MGAT4C: variants seen among roughly 807,000 people sequenced by gnomAD.
MGAT4C encodes alpha-1,3-mannosyl-glycoprotein 4-beta-N-acetylglucosaminyltransferase C.
MGAT4C carries 19 observed loss-of-function variants against 40.1 expected under a neutral mutation model. The ratio of observed to expected loss-of-function variants is 0.47; its 90% CI spans 0.33 to 0.70. MGAT4C has a LOEUF of 0.70. Among genes scored for constraint, MGAT4C ranks in the 30% least tolerant of loss-of-function variants. The pLI, the probability that MGAT4C is intolerant of heterozygous loss-of-function variation, is 0.02. For missense variants in MGAT4C, 491 were observed against 563.2 expected (o/e 0.87, Z 1.30); for synonymous variants, 181 against 187.1 (o/e 0.97, Z 0.27).
chr12:86,199,457 T>TA (rs1949955188), intron 1 of MGAT4C, among the ~76,000 whole-genome samples: 1 of 152,122 alleles, frequency 6.6e-6, no homozygotes. Context: ...TTTTAAGTTT[T>TA]AAAAAAATTC....
chr12:86,109,148 T>C (rs1876749653), intron 1 of MGAT4C, among the ~76,000 whole-genome samples: 1 of 151,974 alleles, frequency 6.6e-6, no homozygotes, highest in Non-Finnish European at 1.5e-5. Flanking sequence ...TCAAATACTC[T>C]TTCTATCAAA....
chr12:86,132,648 T>C lies in MGAT4C; in HGVS notation c.-56-82925A>G, dbSNP rs533409292. Reference sequence around the variant, plus strand: ...CTCTACTAAACATACAAAAATTAGCTGGGCATGGTGGCGGATGCCTGTAGT... The same window carrying C: ...CTCTACTAAACATACAAAAATTAGCCGGGCATGGTGGCGGATGCCTGTAGT... On this transcript the variant is annotated intron_variant, in intron 1 of 4. Transcript: ENST00000611864. Among the ~76,000 whole-genome samples, 5 of 152,044 alleles carry C rather than the reference T, an allele frequency of 3.3e-5. No homozygotes were observed. In the South Asian group the frequency reaches 1.0e-3, roughly 32 times the overall value.
chr12:86,406,044 A>C (rs1281645195), intron 3 of MGAT4C, among the ~76,000 whole-genome samples: 1 of 144,908 alleles, frequency 6.9e-6, no homozygotes, highest in Non-Finnish European at 1.5e-5. Context: ...AATTATATAT[A>C]ATTATTATAT....
intron 1 of MGAT4C, among the ~76,000 whole-genome samples, chr12:86,067,601 A>C (rs1036506025): frequency 6.6e-6 from 1 of 152,038 alleles, no homozygotes; most frequent in Non-Finnish European, 1.5e-5. Flanking sequence ...AGAAATACCT[A>C]ATGTAGATGA....
chr12:86,051,919 T>C (rs1380421608), intron 1 of MGAT4C, among the ~76,000 whole-genome samples: 3 of 151,722 alleles, frequency 2.0e-5, no homozygotes, highest in South Asian at 2.1e-4. Flanking sequence ...TTGAGTCAAG[T>C]TGCAAATAAT....
intron 1 of MGAT4C, among the ~76,000 whole-genome samples, chr12:86,214,199 G>A (rs941491285): frequency 1.3e-5 from 2 of 152,068 alleles, no homozygotes; most frequent in African/African-American, 4.8e-5. Context: ...CCTCATTTCT[G>A]TGTCTTTGTA....
intron 2 of MGAT4C, among the ~76,000 whole-genome samples, chr12:86,019,347 AATAG>A (rs1889416365): frequency 1.3e-5 from 2 of 152,162 alleles, no homozygotes; most frequent in African/African-American, 4.8e-5. Context: ...GCCCCAGTAT[AATAG>A]ATAGCAAGTA....
At chr12:86,393,603 C>T (rs2136230311) in intron 3 of MGAT4C, among the ~76,000 whole-genome samples, 1 of 152,232 alleles carries the variant, frequency 6.6e-6, no homozygotes, top group East Asian at 1.9e-4. Flanking sequence ...ATGTGGCAGA[C>T]TCTGCTATTC....
chr12:86,214,886 T>C (rs559242269), intron 1 of MGAT4C, among the ~76,000 whole-genome samples: 2 of 152,338 alleles, frequency 1.3e-5, no homozygotes, highest in South Asian at 2.1e-4. Flanking sequence ...GAATGATAAA[T>C]GTAAGTAACT....
chr12:86,629,214 T>C (rs1962935513), intron 2 of MGAT4C, among the ~76,000 whole-genome samples: 1 of 152,164 alleles, frequency 6.6e-6, no homozygotes, highest in Non-Finnish European at 1.5e-5. Flanking sequence ...CTGTCTTAAA[T>C]ATACATGTGC....
At chr12:86,062,932 C>T (rs1894139434) in intron 1 of MGAT4C, among the ~76,000 whole-genome samples, 1 of 152,042 alleles carries the variant, frequency 6.6e-6, no homozygotes. Flanking sequence ...AGAATGGAAC[C>T]AAGTTGGAAA....
chr12:86,000,091 G>A (rs555960314), intron 2 of MGAT4C, among the ~76,000 whole-genome samples: 1 of 152,214 alleles, frequency 6.6e-6, no homozygotes, highest in South Asian at 2.1e-4. Flanking sequence ...GTATACACAT[G>A]CATTGAAATA....
intron 3 of MGAT4C, among the ~76,000 whole-genome samples, chr12:86,362,027 A>C (rs1157762439): frequency 6.6e-6 from 1 of 152,254 alleles, no homozygotes; most frequent in Non-Finnish European, 1.5e-5. Context: ...CTATAAAGAC[A>C]CATGCACACG....
intron 1 of MGAT4C, among the ~76,000 whole-genome samples, chr12:86,148,825 G>C (rs951725057): frequency 6.6e-6 from 1 of 152,146 alleles, no homozygotes; most frequent in Non-Finnish European, 1.5e-5. Context: ...GAAACTCTAA[G>C]AGCCTTGAGC....
At chr12:86,684,622 G>T (rs564504591) in intron 2 of MGAT4C, among the ~76,000 whole-genome samples, 1 of 152,220 alleles carries the variant, frequency 6.6e-6, no homozygotes, top group Non-Finnish European at 1.5e-5. Context: ...CTTCCACAAT[G>T]GTTGAACTAA....
At chr12:86,571,271 A>T (rs1295620207) in intron 2 of MGAT4C, among the ~76,000 whole-genome samples, 2 of 152,152 alleles carry the variant, frequency 1.3e-5, no homozygotes, top group Non-Finnish European at 2.9e-5. Flanking sequence ...ACACTGGTAT[A>T]TTGAGGAAAC....
intron 1 of MGAT4C, among the ~76,000 whole-genome samples, chr12:86,212,918 A>C (rs1272326617): frequency 3.4e-5 from 5 of 147,328 alleles, no homozygotes; most frequent in Admixed American, 1.4e-4. Flanking sequence ...AAAAAAAAAA[A>C]AAAGAACACT....
chr12:86,607,260 C>T (rs1962074875), intron 2 of MGAT4C, among the ~76,000 whole-genome samples: 1 of 151,916 alleles, frequency 6.6e-6, no homozygotes, highest in Non-Finnish European at 1.5e-5. Context: ...TATTTTAAAA[C>T]TACATTTATT....
chr12:86,609,791 GAA>G (rs5799786), intron 2 of MGAT4C, among the ~76,000 whole-genome samples: 19 of 146,278 alleles, frequency 1.3e-4, no homozygotes, highest in East Asian at 6.0e-4. Flanking sequence ...GGCACTACCA[GAA>G]AAAAAAAAAA....
Sources: gnomAD v4.1 joint callset for allele counts (sites outside exome capture counted in the v4.1 genomes callset) on GRCh38, gnomAD v4.1.1 for gene constraint, MANE v1.5 for transcripts, NCBI Gene and HGNC (gene_info 2026-07-23, HGNC 2026-07-21) for gene names.